Variants in FOXK2 observed in about 807,000 individuals in gnomAD.
FOXK2 encodes forkhead box protein K2.
FOXK2 carries 24 observed loss-of-function variants against 53.3 expected under a neutral mutation model. That is an observed-to-expected ratio of 0.45 (90% CI 0.33 to 0.63). The LOEUF is 0.63. Ranked by LOEUF, FOXK2 falls within the 30% of genes least tolerant of loss-of-function variation. The pLI, the probability that FOXK2 is intolerant of heterozygous loss-of-function variation, is 0.03. For synonymous variants in FOXK2, 505 were observed against 407.1 expected (o/e 1.24, Z -2.89); for missense variants, 952 against 910.5 (o/e 1.05, Z -0.59).
chr17:82,535,242 G>A (rs2044509377), intron 1 of FOXK2, among the ~76,000 whole-genome samples: 1 of 152,086 alleles, frequency 6.6e-6, no homozygotes, highest in Admixed American at 6.6e-5. Context: ...CTTATCTCTT[G>A]CTGCTGTCAA....
At chr17:82,585,850 T>G in intron 6 of FOXK2, 54 bp from the exon 7 acceptor site, 2 of 1,558,674 alleles carry the variant, frequency 1.3e-6, no homozygotes, top group Admixed American at 3.5e-5. Context: ...GTGAGAACCT[T>G]TGTTTGTAGA....
intron 8 of FOXK2, among the ~76,000 whole-genome samples, chr17:82,589,994 C>T (rs911107797): frequency 1.8e-4 from 27 of 151,452 alleles, no homozygotes; most frequent in Non-Finnish European, 2.6e-4. Flanking sequence ...TGCAGTGAGC[C>T]GAGTTCAGAC....
rs540638897 is a variant in FOXK2 at position 82,594,366 on chromosome 17, C to T, written c.1787-6937C>T. The stretch of plus-strand genomic sequence containing the variant: ...ACAAAAAATTAGCTGGACATGGTGG[C>T]GGGCGCCTGTAGTCCCAGCTATTCG... On this transcript the variant is annotated intron_variant, in intron 8 of 8. Transcript: ENST00000335255. Among the ~76,000 whole-genome samples the T allele has an allele frequency of 1.2e-4, 19 of 152,156 alleles. 1 individual carries two copies. Among genetic ancestry groups the T allele is most frequent in the South Asian group, 6.2e-4 (3 of 4,818 alleles).
intron 1 of FOXK2, among the ~76,000 whole-genome samples, chr17:82,529,443 G>A (rs2044450831): frequency 6.7e-6 from 1 of 148,510 alleles, no homozygotes. Context: ...AGGCTGGAAT[G>A]CAGTGGCACG....
chr17:82,586,499 C>CAGTGGGGAAAGGAGGAGAGGGGAGA, intron 7 of FOXK2, among the ~76,000 whole-genome samples: 1 of 13,860 alleles, frequency 7.2e-5, no homozygotes, highest in Admixed American at 1.1e-3. Flanking sequence ...CAAAGGTGGG[C>CAGTGGGGAAAGGAGGAGAGGGGAGA]CGGGGGGGAA....
chr17:82,574,673 C>T (rs932518113), intron 4 of FOXK2, among the ~76,000 whole-genome samples: 1 of 152,210 alleles, frequency 6.6e-6, no homozygotes, highest in Admixed American at 6.5e-5. Context: ...TGTCAGAATA[C>T]TGACCCTCAC....
intron 8 of FOXK2, among the ~76,000 whole-genome samples, chr17:82,591,033 G>A (rs2045248430): frequency 6.6e-6 from 1 of 152,236 alleles, no homozygotes; most frequent in African/African-American, 2.4e-5. Flanking sequence ...TCAGGGCTTG[G>A]CCCCTGCGTG....
chr17:82,561,958 C>A (rs1035129972), intron 1 of FOXK2, among the ~76,000 whole-genome samples: 1 of 152,112 alleles, frequency 6.6e-6, no homozygotes, highest in Admixed American at 6.5e-5. Flanking sequence ...GGCTGAGTCC[C>A]GCGCCGGGTG....
chr17:82,553,137 T>C (rs1403966917), intron 1 of FOXK2, among the ~76,000 whole-genome samples: 1 of 152,206 alleles, frequency 6.6e-6, no homozygotes, highest in Non-Finnish European at 1.5e-5. Flanking sequence ...GGTTTCACTA[T>C]GTTGGCCAGG....
chr17:82,583,497 G>C (rs1035828412), intron 5 of FOXK2, among the ~76,000 whole-genome samples: 1 of 152,208 alleles, frequency 6.6e-6, no homozygotes, highest in Admixed American at 6.5e-5. Flanking sequence ...GCAGTGAGCC[G>C]AGATTGCGCC....
intron 2 of FOXK2, among the ~76,000 whole-genome samples, chr17:82,564,905 T>G (rs1265023609): frequency 1.3e-5 from 2 of 151,990 alleles, no homozygotes; most frequent in Non-Finnish European, 2.9e-5. Flanking sequence ...TAATTTTGTA[T>G]TTTTAGTAGA....
intron 1 of FOXK2, among the ~76,000 whole-genome samples, chr17:82,551,745 T>G (rs1316625615): frequency 1.3e-5 from 2 of 152,234 alleles, no homozygotes; most frequent in African/African-American, 4.8e-5. Context: ...GGTTTATTGC[T>G]GATGACAAAG....
intron 1 of FOXK2, among the ~76,000 whole-genome samples, chr17:82,547,076 CAAA>C (rs57383328): frequency 1.2e-4 from 14 of 112,224 alleles, no homozygotes; most frequent in Non-Finnish European, 1.7e-4. Flanking sequence ...AAAACTCCAT[CAAA>C]AAAAAAAAAA....
intron 4 of FOXK2, among the ~76,000 whole-genome samples, 155 bp from the exon 5 acceptor site, chr17:82,582,586 A>T (rs1276164601): frequency 1.3e-5 from 2 of 152,174 alleles, no homozygotes; most frequent in Admixed American, 6.6e-5. Flanking sequence ...TTGTCAGCAC[A>T]TTACTTGTGT....
At chr17:82,596,305 C>T in intron 8 of FOXK2, 1 of 712,858 alleles carries the variant, frequency 1.4e-6, no homozygotes, top group East Asian at 1.3e-4. Context: ...TGCCCAGATT[C>T]TTGGTGGCTG....
chr17:82,520,097 G>C lies in FOXK2; in HGVS notation c.209G>C (p.Gly70Ala), dbSNP rs966931496. 6.5e-7 allele frequency: 1 copy of C among 1,544,508 alleles called. No individual in the cohort carries two copies. Among genetic ancestry groups the C allele is most frequent in the Non-Finnish European group, 8.7e-7 (1 of 1,148,108 alleles). Residue 70 changes from glycine to alanine, a missense_variant, in exon 1 of 9, where the codon GGC becomes GCC. Around this residue, in one of 5 missense-constraint regions of FOXK2, gnomAD observed 163 missense variants for 165.5 expected, o/e 0.98. Transcript: ENST00000335255. Reference sequence around the variant, plus strand: ...CAGGGCTCGGTGGACGTGAGCATGGGCCACTCGAGCTTCATCTCCCGGCGC... The same window carrying C: ...CAGGGCTCGGTGGACGTGAGCATGGCCCACTCGAGCTTCATCTCCCGGCGC... Reference protein sequence around the residue: ...SSQGSVDVSMGHSSFISRRHL... With the variant: ...SSQGSVDVSMAHSSFISRRHL...
chr17:82,555,031 G>T (rs1406824654), intron 1 of FOXK2, among the ~76,000 whole-genome samples: 1 of 152,208 alleles, frequency 6.6e-6, no homozygotes, highest in Non-Finnish European at 1.5e-5. Flanking sequence ...TTACAGGCGT[G>T]AGCCACTGCT....
chr17:82,561,708 C>T (rs988277191), intron 1 of FOXK2, among the ~76,000 whole-genome samples: 7 of 152,136 alleles, frequency 4.6e-5, no homozygotes, highest in Non-Finnish European at 5.9e-5. Flanking sequence ...CTGTCCTTCC[C>T]GACCCCGGCT....
At chr17:82,585,866 G>GTAT in intron 6 of FOXK2, 38 bp from the exon 7 acceptor site, 2 of 1,582,462 alleles carry the variant, frequency 1.3e-6, no homozygotes, top group South Asian at 2.3e-5. Context: ...GTAGAAGTCA[G>GTAT]TATCTGTAAG....
Sources: gnomAD v4.1 joint callset for allele counts (sites outside exome capture counted in the v4.1 genomes callset) on GRCh38, gnomAD v4.1.1 for gene constraint, gnomAD v4.1.1 regional missense constraint, MANE v1.5 for transcripts, NCBI Gene and HGNC (gene_info 2026-07-23, HGNC 2026-07-21) for gene names.